The following KIAA1328 variants were observed in gnomAD, a reference collection of about 807,000 sequenced individuals.
KIAA1328 encodes KIAA1328.
A neutral mutation model predicts 68.1 loss-of-function variants in KIAA1328; 52 were observed. The ratio of observed to expected loss-of-function variants is 0.76; its 90% CI spans 0.61 to 0.96. The LOEUF (loss-of-function observed/expected upper bound fraction) is 0.96, where lower values mean the gene tolerates loss of function less well. KIAA1328 is among the 40% of genes least tolerant of loss of function. KIAA1328 has a pLI of 0.00. For missense variants in KIAA1328, 641 were observed against 677.6 expected (o/e 0.95, Z 0.60); for synonymous variants, 232 against 239.4 (o/e 0.97, Z 0.28).
intron 4 of KIAA1328, among the ~76,000 whole-genome samples, chr18:36,847,810 T>C (rs771220268): frequency 5.9e-5 from 9 of 151,612 alleles, no homozygotes; most frequent in Non-Finnish European, 1.2e-4. Flanking sequence ...AAATTCTGCC[T>C]ATCACAAATT....
chr18:36,832,616 G>A (rs2046531840), intron 1 of KIAA1328: 2 of 146,460 alleles, frequency 1.4e-5, no homozygotes. Context: ...AGTTTTGTTT[G>A]CATATTTAGA....
At chr18:37,206,594 G>A (rs1047115063) in intron 9 of KIAA1328, among the ~76,000 whole-genome samples, 6 of 152,232 alleles carry the variant, frequency 3.9e-5, no homozygotes, top group Middle Eastern at 3.4e-3. Context: ...TTAGAAAGAG[G>A]CACCTATCTT....
At chr18:36,837,336 A>G (rs1056917117) in intron 3 of KIAA1328, among the ~76,000 whole-genome samples, 6 of 152,150 alleles carry the variant, frequency 3.9e-5, no homozygotes, top group African/African-American at 1.4e-4. Context: ...GCATTTCCTT[A>G]ATGACTAAAT....
chr18:37,135,948 A>T (rs2058633574), intron 7 of KIAA1328, among the ~76,000 whole-genome samples: 2 of 152,144 alleles, frequency 1.3e-5, no homozygotes, highest in Non-Finnish European at 2.9e-5. Context: ...ATTTTCTTGA[A>T]GATCAGATGA....
At chr18:37,217,709 T>C (rs1470390386) in intron 9 of KIAA1328, among the ~76,000 whole-genome samples, 2 of 152,206 alleles carry the variant, frequency 1.3e-5, no homozygotes, top group Non-Finnish European at 2.9e-5. Flanking sequence ...ATTTGAATGT[T>C]GGCCTGCCTT....
At chr18:36,913,441 A>G (rs1173601394) in intron 5 of KIAA1328, among the ~76,000 whole-genome samples, 6 of 147,824 alleles carry the variant, frequency 4.1e-5, no homozygotes, top group Admixed American at 3.4e-4. Context: ...AGGCTCTTCC[A>G]TAAATCTTTC....
At chr18:36,864,286 G>A (rs572720290) in intron 4 of KIAA1328, among the ~76,000 whole-genome samples, 2 of 151,508 alleles carry the variant, frequency 1.3e-5, no homozygotes, top group East Asian at 3.9e-4. Flanking sequence ...TACCTGTAGT[G>A]CCTCACTTGT....
chr18:37,212,838 A>C (rs2060342808), intron 9 of KIAA1328, among the ~76,000 whole-genome samples: 1 of 152,118 alleles, frequency 6.6e-6, no homozygotes, highest in Non-Finnish European at 1.5e-5. Flanking sequence ...CTGCTGCCTC[A>C]GCCTCCCGAG....
intron 6 of KIAA1328, among the ~76,000 whole-genome samples, chr18:37,027,379 A>G (rs1435875228): frequency 6.6e-6 from 1 of 152,236 alleles, no homozygotes; most frequent in Non-Finnish European, 1.5e-5. Context: ...TTTAAAGTTC[A>G]TATGGAACCA....
intron 1 of KIAA1328, chr18:36,833,408 G>T (rs1157900141): frequency 6.6e-6 from 1 of 152,198 alleles, no homozygotes; most frequent in Non-Finnish European, 1.5e-5. Context: ...TGCATAGCTT[G>T]TTAACAATTA....
chr18:37,193,448 AG>A (rs968144094), intron 9 of KIAA1328: 8 of 610,328 alleles, frequency 1.3e-5, no homozygotes, highest in African/African-American at 1.3e-4. Context: ...AATTAGAGTT[AG>A]GTCAAATGTT....
In KIAA1328 at chr18:36,923,504, T is replaced by G. The variant is rs151084640; in HGVS notation, c.449-35804T>G. On this transcript the variant is annotated intron_variant, in intron 5 of 9. Transcript: ENST00000280020. ...TCTATAGATCTTAAAAAAAGGGGAT[T>G]ATTATAAGTAACTTTATACATATAA... Among the ~76,000 whole-genome samples, 5 of 152,296 alleles carry G rather than the reference T, an allele frequency of 3.3e-5. No homozygotes were observed. In the East Asian group the frequency reaches 9.6e-4, roughly 29 times the overall value.
chr18:36,928,368 T>G (rs2050196430), intron 5 of KIAA1328, among the ~76,000 whole-genome samples: 1 of 152,220 alleles, frequency 6.6e-6, no homozygotes, highest in Non-Finnish European at 1.5e-5. Context: ...CTTCTAACTC[T>G]GTGATCCTGA....
chr18:37,167,164 G>A (rs2059405504), intron 8 of KIAA1328, among the ~76,000 whole-genome samples: 1 of 152,164 alleles, frequency 6.6e-6, no homozygotes. Flanking sequence ...CATGCAGATG[G>A]GCAGGTTGTG....
chr18:36,856,491 T>C (rs1170337387), intron 4 of KIAA1328, among the ~76,000 whole-genome samples: 1 of 152,162 alleles, frequency 6.6e-6, no homozygotes, highest in Non-Finnish European at 1.5e-5. Flanking sequence ...AGTATTATAC[T>C]TCTCAGGTCC....
chr18:36,834,738 G>A (rs892702365), intron 2 of KIAA1328, among the ~76,000 whole-genome samples: 1 of 152,164 alleles, frequency 6.6e-6, no homozygotes. Flanking sequence ...CTAGATGGTA[G>A]TAAAGCAACT....
At chr18:37,038,415 C>T (rs1342297036) in intron 6 of KIAA1328, among the ~76,000 whole-genome samples, 1 of 151,964 alleles carries the variant, frequency 6.6e-6, no homozygotes, top group Non-Finnish European at 1.5e-5. Flanking sequence ...AAATTTTATT[C>T]ATTTTGATGC....
chr18:37,193,945 G>A (rs952159771), intron 9 of KIAA1328, among the ~76,000 whole-genome samples: 1 of 152,162 alleles, frequency 6.6e-6, no homozygotes, highest in African/African-American at 2.4e-5. Flanking sequence ...ATGAATGCAT[G>A]TACCTCATTC....
chr18:36,845,660 A>G (rs1382939359), intron 4 of KIAA1328, among the ~76,000 whole-genome samples: 1 of 151,818 alleles, frequency 6.6e-6, no homozygotes, highest in African/African-American at 2.4e-5. Context: ...GGGTAAAAAA[A>G]GGGGAAAAAG....
Sources: gnomAD v4.1 joint callset for allele counts (sites outside exome capture counted in the v4.1 genomes callset) on GRCh38, gnomAD v4.1.1 for gene constraint, MANE v1.5 for transcripts, NCBI Gene and HGNC (gene_info 2026-07-23, HGNC 2026-07-21) for gene names.